Variants in TCF7L2 observed in about 807,000 individuals in gnomAD.
The protein encoded by TCF7L2 is transcription factor 7-like 2.
In TCF7L2, 23 loss-of-function variants were observed where a neutral mutation model predicts 77.9. The ratio of observed to expected loss-of-function variants is 0.30; its 90% confidence interval spans 0.21 to 0.42. TCF7L2 has a LOEUF of 0.42. TCF7L2 is among the 10% of genes least tolerant of loss of function. The pLI is 1.00. For missense variants in TCF7L2, 654 were observed against 793.1 expected (o/e 0.82, Z 2.11); for synonymous variants, 413 against 340.2 (o/e 1.21, Z -2.36).
At chr10:113,009,128 G>A (rs1172626369) in intron 4 of TCF7L2, among the ~76,000 whole-genome samples, 1 of 152,092 alleles carries the variant, frequency 6.6e-6, no homozygotes, top group African/African-American at 2.4e-5. Context: ...AAGAGATGGG[G>A]TCTCACTATA....
At chr10:112,974,706 G>A (rs1459140381) in intron 4 of TCF7L2, among the ~76,000 whole-genome samples, 1 of 152,124 alleles carries the variant, frequency 6.6e-6, no homozygotes, top group Admixed American at 6.5e-5. Context: ...GCCTCCCAAA[G>A]TGCTGGGATT....
chr10:113,012,526 G>A (rs1372362275), intron 4 of TCF7L2, among the ~76,000 whole-genome samples: 1 of 152,126 alleles, frequency 6.6e-6, no homozygotes, highest in Non-Finnish European at 1.5e-5. Context: ...TAAGAGGAGA[G>A]GAATTTTAGG....
chr10:112,983,765 G>A (rs530639603), intron 4 of TCF7L2, among the ~76,000 whole-genome samples: 12 of 152,316 alleles, frequency 7.9e-5, no homozygotes, highest in East Asian at 7.7e-4. Flanking sequence ...TGCCTGTGTC[G>A]TATGGGAGAA....
At chr10:113,104,534 G>T (rs767846754) in intron 5 of TCF7L2, among the ~76,000 whole-genome samples, 15 of 152,112 alleles carry the variant, frequency 9.9e-5, no homozygotes, top group African/African-American at 3.4e-4. Flanking sequence ...CCTTTTCAGG[G>T]CAATGCAGCC....
chr10:113,059,238 G>A (rs540234392), intron 5 of TCF7L2, among the ~76,000 whole-genome samples: 76 of 152,062 alleles, frequency 5.0e-4, no homozygotes, highest in Non-Finnish European at 8.7e-4. Context: ...TGGACTGTTA[G>A]GTCACCGTAG....
chr10:113,073,129 T>TGTGA (rs56927661), intron 5 of TCF7L2, among the ~76,000 whole-genome samples: 1 of 123,484 alleles, frequency 8.1e-6, no homozygotes, highest in African/African-American at 3.1e-5. Context: ...TGTGTGTGTG[T>TGTGA]GAGAGAGAGA....
At chr10:112,980,663 G>T (rs1182985555) in intron 4 of TCF7L2, among the ~76,000 whole-genome samples, 2 of 149,064 alleles carry the variant, frequency 1.3e-5, no homozygotes, top group African/African-American at 5.0e-5. Context: ...TCACTCTGTC[G>T]CCCAGCCTGG....
chr10:113,036,906 A>G lies in TCF7L2; in HGVS notation c.451-3119A>G, dbSNP rs536170533. On this transcript the variant is annotated intron_variant, in intron 4 of 13. Coordinates refer to ENST00000627217, the MANE Select transcript of TCF7L2 (RefSeq NM_001146274.2). ...TTTTTTTTCCCTCCCCCAAAAGGAT[A>G]TAAAACTAAGTCAGATGGTTGGGAA... Among the ~76,000 whole-genome samples the G allele has an allele frequency of 3.2e-4, 48 of 152,196 alleles. No individual in the cohort carries two copies. In the South Asian group the frequency reaches 6.0e-3, roughly 19 times the overall value.
intron 13 of TCF7L2, chr10:113,161,352 T>A: frequency 1.8e-6 from 1 of 570,436 alleles, no homozygotes; most frequent in South Asian, 2.1e-5. Flanking sequence ...ACAAAATATA[T>A]GTGTGTATAT....
At chr10:113,000,748 T>C (rs1163326474) in intron 4 of TCF7L2, among the ~76,000 whole-genome samples, 1 of 152,116 alleles carries the variant, frequency 6.6e-6, no homozygotes, top group Non-Finnish European at 1.5e-5. Context: ...TCTGGGTACA[T>C]GAGTGTGAGA....
rs947241717 is a variant in TCF7L2, at chr10:113,026,184, C to G, written c.451-13841C>G. On this transcript the variant is annotated intron_variant, in intron 4 of 13. Coordinates refer to ENST00000627217, the MANE Select transcript of TCF7L2 (RefSeq NM_001146274.2). ...GTGAGCCACTGCGCCTGGCCTACCC[C>G]CTGTCGCCCAGGCTGGAGTGCAAGT... Among the ~76,000 whole-genome samples, 3 of 135,678 alleles carry G rather than the reference C, an allele frequency of 2.2e-5. No homozygotes were observed. The Admixed American group carries it at 2.3e-4, about 10-fold the overall frequency. The allele number at this position is 135,678 out of a possible 152,430, so 89.0% of individuals were successfully genotyped here. A position where few individuals can be genotyped will look rare whatever the true frequency, so the allele number is the denominator to read the frequency against.
chr10:113,040,564 G>T lies in TCF7L2; in HGVS notation c.552+438G>T, dbSNP rs150457645. 2.0e-4 allele frequency among the ~76,000 whole-genome samples: 31 copies of T among 152,314 alleles called. 1 individual carries two copies. The East Asian group carries it at 5.8e-3, about 28-fold the overall frequency. ...TCTCCCCCAATTTATCTTAATATTT[G>T]TTGGCAACATTCTACACTAACATTA... is the stretch of plus-strand genomic sequence containing the variant. On this transcript the variant is annotated intron_variant, in intron 5 of 13. Coordinates refer to ENST00000627217, the MANE Select transcript of TCF7L2 (RefSeq NM_001146274.2).
At chr10:112,972,611 C>T (rs1377615096) in intron 4 of TCF7L2, among the ~76,000 whole-genome samples, 2 of 152,144 alleles carry the variant, frequency 1.3e-5, no homozygotes, top group Non-Finnish European at 2.9e-5. Flanking sequence ...GCTGGGACTA[C>T]AGGTATGCAT....
intron 1 of TCF7L2, 103 bp downstream of exon 1, chr10:112,951,048 CCGGCGGGCGGCGTGTGCGTA>C (rs2030858494): frequency 1.4e-6 from 2 of 1,446,714 alleles, no homozygotes; most frequent in Non-Finnish European, 1.9e-6. Flanking sequence ...GCGGCGGGGC[CCGGCGGGCGGCGTGTGCGTA>C]CGGTGCCACC....
chr10:113,058,474 A>G (rs1339875868), intron 5 of TCF7L2, among the ~76,000 whole-genome samples: 1 of 152,072 alleles, frequency 6.6e-6, no homozygotes, highest in East Asian at 1.9e-4. Context: ...GTGGTTTTAT[A>G]CCGGGTTTTG....
At chr10:113,035,534 G>A (rs1053598502) in intron 4 of TCF7L2, among the ~76,000 whole-genome samples, 12 of 152,142 alleles carry the variant, frequency 7.9e-5, no homozygotes, top group Non-Finnish European at 8.8e-5. Context: ...CTCCTGCAGC[G>A]TGAAACTCCT....
intron 12 of TCF7L2, 109 bp from the exon 14 acceptor site, chr10:113,159,808 TTTC>T: frequency 1.4e-6 from 1 of 691,208 alleles, no homozygotes; most frequent in South Asian, 1.7e-5. Flanking sequence ...TTTTTATTTT[TTTC>T]TTATTTGTAT....
intron 13 of TCF7L2, among the ~76,000 whole-genome samples, chr10:113,163,392 T>C (rs1196878364): frequency 1.3e-5 from 2 of 152,236 alleles, no homozygotes; most frequent in African/African-American, 2.4e-5. Context: ...TGCTTGGTGC[T>C]GTTCCCTTGT....
chr10:113,020,696 T>C (rs2048139797), intron 4 of TCF7L2, among the ~76,000 whole-genome samples: 1 of 152,182 alleles, frequency 6.6e-6, no homozygotes, highest in Admixed American at 6.5e-5. Context: ...ACCACAGCCC[T>C]CTGAAGGGAT....
Sources: gnomAD v4.1 joint callset for allele counts (sites outside exome capture counted in the v4.1 genomes callset) on GRCh38, gnomAD v4.1.1 for gene constraint, MANE v1.5 for transcripts, NCBI Gene and HGNC (gene_info 2026-07-23, HGNC 2026-07-21) for gene names.